MAMDC2: variants seen among roughly 807,000 people sequenced by gnomAD.
MAMDC2 encodes the protein MAM domain-containing protein 2.
Under a neutral mutation model 89.8 loss-of-function variants are expected in MAMDC2, and 57 were observed. The observed-to-expected ratio is 0.63, with a 90% CI of 0.51 to 0.79. The LOEUF (loss-of-function observed/expected upper bound fraction) is 0.79. Among genes scored for constraint, MAMDC2 ranks in the 30% least tolerant of loss-of-function variants. MAMDC2 has a pLI of 0.00. For synonymous variants in MAMDC2, 313 were observed against 293.4 expected, an observed-to-expected ratio of 1.07 and a Z score of -0.68; for missense variants, 800 against 820.6, an observed-to-expected ratio of 0.97 and a Z score of 0.31.
intron 11 of MAMDC2, among the ~76,000 whole-genome samples, chr9:70,186,892 T>C (rs1433186427): frequency 2.6e-5 from 4 of 152,128 alleles, no homozygotes; most frequent in Admixed American, 6.5e-5. Flanking sequence ...CGTGAACTAA[T>C]AGAGCAAAAA....
At chr9:70,160,562 G>A (rs1183664007) in intron 9 of MAMDC2, among the ~76,000 whole-genome samples, 1 of 152,168 alleles carries the variant, frequency 6.6e-6, no homozygotes, top group Non-Finnish European at 1.5e-5. Flanking sequence ...CTCAAAACAA[G>A]GGGGAAAAGT....
chr9:70,057,926 G>C (rs1234595094), intron 2 of MAMDC2, among the ~76,000 whole-genome samples: 2 of 152,186 alleles, frequency 1.3e-5, no homozygotes, highest in Non-Finnish European at 2.9e-5. Flanking sequence ...TCAGCTGGGA[G>C]CTAAGGGTGA....
At chr9:70,224,783 C>T (rs1166444009) in intron 12 of MAMDC2, among the ~76,000 whole-genome samples, 4 of 152,176 alleles carry the variant, frequency 2.6e-5, no homozygotes, top group African/African-American at 9.7e-5. Flanking sequence ...GTCAAGTTGA[C>T]ACCTGAAATC....
At chr9:70,080,186 C>T (rs1336371582) in intron 2 of MAMDC2, among the ~76,000 whole-genome samples, 1 of 152,178 alleles carries the variant, frequency 6.6e-6, no homozygotes, top group Non-Finnish European at 1.5e-5. Context: ...TAGTCTTCCT[C>T]TTCCCATCTC....
chr9:70,060,453 T>G (rs541218704), intron 2 of MAMDC2: 1 of 152,302 alleles, frequency 6.6e-6, no homozygotes, highest in Non-Finnish European at 1.5e-5. Context: ...AAGCAGTGAA[T>G]AGAAAAAATG....
chr9:70,050,731 T>C (rs888792942), intron 2 of MAMDC2, among the ~76,000 whole-genome samples: 1 of 152,222 alleles, frequency 6.6e-6, no homozygotes, highest in African/African-American at 2.4e-5. Context: ...TTTGGGGACC[T>C]AAGGAGAGTG....
chr9:70,116,294 G>A (rs533663507), intron 5 of MAMDC2, among the ~76,000 whole-genome samples: 4 of 152,284 alleles, frequency 2.6e-5, no homozygotes, highest in Admixed American at 2.6e-4. Context: ...TCATCCATTT[G>A]CTTGTGTTAC....
At chr9:70,074,075 G>C (rs1827471921) in intron 2 of MAMDC2, among the ~76,000 whole-genome samples, 1 of 152,148 alleles carries the variant, frequency 6.6e-6, no homozygotes, top group South Asian at 2.1e-4. Context: ...CTCTACCCCA[G>C]GGTAAGAACC....
At chr9:70,217,692 A>G (rs2033475491) in intron 11 of MAMDC2, 7 of 1,448,406 alleles carry the variant, frequency 4.8e-6, no homozygotes, top group Non-Finnish European at 6.8e-6. Context: ...ATTTTTAAAT[A>G]AAGATTGGAT....
intron 11 of MAMDC2, among the ~76,000 whole-genome samples, chr9:70,173,147 C>G (rs996728373): frequency 2.0e-5 from 3 of 152,120 alleles, no homozygotes; most frequent in Admixed American, 6.5e-5. Context: ...TAGACAGGAT[C>G]TCCTGTCATG....
chr9:70,222,303 T>C (rs1448412499), intron 12 of MAMDC2, among the ~76,000 whole-genome samples: 2 of 152,164 alleles, frequency 1.3e-5, no homozygotes, highest in Non-Finnish European at 2.9e-5. Context: ...TGGGGGGACA[T>C]GTTAAGTTTT....
intron 5 of MAMDC2, among the ~76,000 whole-genome samples, chr9:70,118,929 G>A (rs2030154183): frequency 6.6e-6 from 1 of 152,116 alleles, no homozygotes; most frequent in Admixed American, 6.5e-5. Flanking sequence ...CCCAAACATT[G>A]AGTCAAGGTT....
chr9:70,092,796 G>C (rs1440642709), intron 2 of MAMDC2: 1 of 152,128 alleles, frequency 6.6e-6, no homozygotes, highest in Admixed American at 6.6e-5. Flanking sequence ...CATGAATCTA[G>C]ATTAGATTGC....
At chr9:70,097,244 T>G (rs1424399278) in intron 2 of MAMDC2, among the ~76,000 whole-genome samples, 2 of 152,252 alleles carry the variant, frequency 1.3e-5, no homozygotes, top group African/African-American at 4.8e-5. Flanking sequence ...CTGGAGGTTC[T>G]GTAGTTGTCG....
chr9:70,140,375 G>A (rs976064540), intron 8 of MAMDC2, 87 bp downstream of exon 8: 6 of 1,391,514 alleles, frequency 4.3e-6, no homozygotes, highest in Middle Eastern at 2.1e-4. Flanking sequence ...CAAAGACATC[G>A]ACTTAAAGAA....
intron 2 of MAMDC2, among the ~76,000 whole-genome samples, chr9:70,069,817 A>G (rs992370103): frequency 6.6e-6 from 1 of 152,158 alleles, no homozygotes; most frequent in Admixed American, 6.5e-5. Context: ...AGCCAGAAAC[A>G]TTTGTTCTTT....
In MAMDC2 at chr9:70,068,528, C is replaced by T. The variant is rs1321617756; in HGVS notation, c.148+23831C>T. On this transcript the variant is annotated intron_variant, in intron 2 of 13. Coordinates refer to ENST00000377182, the MANE Select transcript of MAMDC2 (RefSeq NM_153267.5). ...AGGTAGGAGTTTGAGACCAGCCTGG[C>T]CAACACAGTGAAACCCCATCTCTAC... is the stretch of plus-strand genomic sequence containing the variant. Among the ~76,000 whole-genome samples, 4 of 151,996 alleles carry T rather than the reference C, an allele frequency of 2.6e-5. No individual in the cohort carries two copies. The East Asian group carries it at 7.7e-4, about 29-fold the overall frequency.
chr9:70,205,857 G>T (rs941438010), intron 11 of MAMDC2, among the ~76,000 whole-genome samples: 4 of 152,222 alleles, frequency 2.6e-5, no homozygotes, highest in African/African-American at 7.2e-5. Context: ...AGTGCTTGAA[G>T]CTGTAATGTG....
intron 8 of MAMDC2, 98 bp from the exon 9 acceptor site, chr9:70,143,456 T>C: frequency 7.5e-7 from 1 of 1,337,988 alleles, no homozygotes; most frequent in Non-Finnish European, 1.0e-6. Context: ...GCATAGCTGA[T>C]AGTCTTTGCT....
Sources: gnomAD v4.1 joint callset for allele counts (sites outside exome capture counted in the v4.1 genomes callset) on GRCh38, gnomAD v4.1.1 for gene constraint, MANE v1.5 for transcripts, NCBI Gene and HGNC (gene_info 2026-07-23, HGNC 2026-07-21) for gene names.